FHIT: variants seen among roughly 807,000 people sequenced by gnomAD.
FHIT encodes fragile histidine triad diadenosine triphosphatase.
A neutral mutation model predicts 17.9 loss-of-function variants in FHIT; 19 were observed. The observed-to-expected ratio is 1.06, with a 90% confidence interval of 0.74 to 1.56. The LOEUF (loss-of-function observed/expected upper bound fraction) is 1.56. Ranked by LOEUF, FHIT falls within the 40% of genes most tolerant of loss-of-function variation. FHIT has a pLI of 0.00. For synonymous variants in FHIT, 81 were observed against 69.7 expected, an observed-to-expected ratio of 1.16 and a Z score of -0.81; for missense variants, 248 against 189.2, an observed-to-expected ratio of 1.31 and a Z score of -1.82.
intron 7 of FHIT, among the ~76,000 whole-genome samples, chr3:59,997,557 G>T (rs1209870665): frequency 6.6e-6 from 1 of 152,126 alleles, no homozygotes; most frequent in East Asian, 1.9e-4. Context: ...ACCAAAAGAT[G>T]GGTTAGTACA....
chr3:59,848,630 T>C (rs1298329020), intron 8 of FHIT, among the ~76,000 whole-genome samples: 2 of 152,224 alleles, frequency 1.3e-5, no homozygotes, highest in Non-Finnish European at 2.9e-5. Flanking sequence ...ATTTAGGATA[T>C]ATTAGATAAA....
At chr3:61,095,122 T>G (rs1017880636) in intron 2 of FHIT, among the ~76,000 whole-genome samples, 7 of 152,292 alleles carry the variant, frequency 4.6e-5, no homozygotes, top group African/African-American at 1.4e-4. Flanking sequence ...TGGCACACAC[T>G]ATCAGAAAAA....
At chr3:60,514,719 T>C (rs2035084935) in intron 5 of FHIT, among the ~76,000 whole-genome samples, 1 of 152,112 alleles carries the variant, frequency 6.6e-6, no homozygotes, top group East Asian at 1.9e-4. Flanking sequence ...CCAGTGTTTA[T>C]CATAAGCCAT....
At chr3:59,904,316 T>TAAAA (rs35782604) in intron 8 of FHIT, among the ~76,000 whole-genome samples, 39 of 130,568 alleles carry the variant, frequency 3.0e-4, no homozygotes, top group African/African-American at 1.1e-3. Flanking sequence ...GGAAACTAAT[T>TAAAA]AAAAAAAAAA....
chr3:60,379,310 T>C (rs572961949), intron 5 of FHIT, among the ~76,000 whole-genome samples: 1 of 152,192 alleles, frequency 6.6e-6, no homozygotes, highest in South Asian at 2.1e-4. Context: ...TCCAACTTCC[T>C]AGATGAAATA....
intron 5 of FHIT, among the ~76,000 whole-genome samples, chr3:60,440,208 C>A (rs1238045776): frequency 1.3e-5 from 2 of 152,088 alleles, no homozygotes; most frequent in African/African-American, 4.8e-5. Flanking sequence ...CTTCTCTTCC[C>A]TATCCAAATT....
chr3:60,908,011 A>G lies in FHIT; in HGVS notation c.-110-86000T>C, dbSNP rs115325338. 3.4e-3 allele frequency among the ~76,000 whole-genome samples: 515 copies of G among 152,362 alleles called. 2 individuals carry two copies. Among genetic ancestry groups the G allele is most frequent in the African/African-American group, 0.012 (484 of 41,588 alleles). On this transcript the variant is annotated intron_variant, in intron 3 of 9. Transcript: ENST00000492590. Reference sequence around the variant, plus strand: ...AGAGTCAAAGTTTATTATCATATCCACAATACTACTCTGCCCTTCAAATAA... The same window carrying G: ...AGAGTCAAAGTTTATTATCATATCCGCAATACTACTCTGCCCTTCAAATAA...
At chr3:61,210,645 C>A (rs1169290752) in intron 1 of FHIT, among the ~76,000 whole-genome samples, 1 of 152,196 alleles carries the variant, frequency 6.6e-6, no homozygotes, top group Non-Finnish European at 1.5e-5. Context: ...GTTTGTTAAT[C>A]CTGCTGGAAA....
intron 3 of FHIT, among the ~76,000 whole-genome samples, chr3:60,844,187 A>T (rs1553745806): frequency 6.6e-6 from 1 of 152,186 alleles, no homozygotes; most frequent in Non-Finnish European, 1.5e-5. Context: ...TCTGATTTGG[A>T]CAAATGTTAA....
intron 1 of FHIT, among the ~76,000 whole-genome samples, chr3:61,242,054 G>T (rs977511255): frequency 2.0e-5 from 3 of 152,140 alleles, no homozygotes; most frequent in African/African-American, 7.2e-5. Context: ...AAATTACGGT[G>T]CTGGGTAATA....
intron 2 of FHIT, among the ~76,000 whole-genome samples, chr3:61,091,524 G>A (rs1258813513): frequency 2.6e-5 from 4 of 152,046 alleles, no homozygotes; most frequent in African/African-American, 7.2e-5. Context: ...TCAAATCAAC[G>A]TATTAGTTAA....
chr3:60,012,266 G>GTTTTTTTTT (rs769497004), intron 6 of FHIT, among the ~76,000 whole-genome samples: 7 of 112,478 alleles, frequency 6.2e-5, no homozygotes, highest in African/African-American at 2.4e-4. Flanking sequence ...TTTTTTTGTT[G>GTTTTTTTTT]TTTTTTTTTT....
At chr3:60,848,768 G>C (rs1703026900) in intron 3 of FHIT, among the ~76,000 whole-genome samples, 1 of 152,010 alleles carries the variant, frequency 6.6e-6, no homozygotes, top group Non-Finnish European at 1.5e-5. Context: ...CATTCAAACT[G>C]GTAGCTATTT....
chr3:60,236,602 A>AT (rs1704809623), intron 5 of FHIT, among the ~76,000 whole-genome samples: 1 of 152,214 alleles, frequency 6.6e-6, no homozygotes, highest in South Asian at 2.1e-4. Flanking sequence ...ATATTCACAT[A>AT]TTTTTTAGAG....
chr3:60,543,284 T>C (rs2036245114), intron 4 of FHIT, among the ~76,000 whole-genome samples: 1 of 152,190 alleles, frequency 6.6e-6, no homozygotes, highest in Non-Finnish European at 1.5e-5. Flanking sequence ...CAGCTCCTGC[T>C]GTATCTTGTT....
At chr3:61,037,130 C>T (rs551076955) in intron 3 of FHIT, among the ~76,000 whole-genome samples, 1 of 152,238 alleles carries the variant, frequency 6.6e-6, no homozygotes, top group African/African-American at 2.4e-5. Context: ...CCAGGATGGT[C>T]TCGATCTCCT....
At chr3:60,767,037 T>C (rs1553721627) in intron 4 of FHIT, among the ~76,000 whole-genome samples, 1 of 152,214 alleles carries the variant, frequency 6.6e-6, no homozygotes, top group East Asian at 1.9e-4. Context: ...TACTCCAGCA[T>C]TTCCCACATT....
chr3:59,800,981 CAA>C (rs1220396151), intron 8 of FHIT, among the ~76,000 whole-genome samples: 2 of 152,268 alleles, frequency 1.3e-5, no homozygotes, highest in South Asian at 2.1e-4. Flanking sequence ...CAGCTCATCG[CAA>C]AGAGTTGTTG....
At chr3:60,535,702 A>C (rs1294690749) in intron 5 of FHIT, 1 of 152,010 alleles carries the variant, frequency 6.6e-6, no homozygotes, top group Non-Finnish European at 1.5e-5. Flanking sequence ...ATTGCTTATT[A>C]GTTTTCTAAA....
Sources: allele counts gnomAD v4.1 joint callset (sites outside exome capture counted in the v4.1 genomes callset), GRCh38; gene constraint gnomAD v4.1.1; transcripts MANE v1.5; gene names NCBI Gene and HGNC (gene_info 2026-07-23, HGNC 2026-07-21).